GPC6: variants seen among roughly 807,000 people sequenced by gnomAD.
GPC6 encodes the protein glypican 6.
In GPC6, 14 loss-of-function variants were observed where a neutral mutation model predicts 55.2. The ratio of observed to expected loss-of-function variants is 0.25; its 90% CI spans 0.17 to 0.40. The LOEUF is 0.40. Among genes scored for constraint, GPC6 ranks in the 10% least tolerant of loss-of-function variants. GPC6 has a pLI of 1.00. For synonymous variants in GPC6, 278 were observed against 259.6 expected, an observed-to-expected ratio of 1.07 and a Z score of -0.68; for missense variants, 641 against 708.5, an observed-to-expected ratio of 0.90 and a Z score of 1.08.
chr13:94,317,061 G>A (rs963907416), intron 6 of GPC6, among the ~76,000 whole-genome samples: 1 of 152,130 alleles, frequency 6.6e-6, no homozygotes, highest in Non-Finnish European at 1.5e-5. Context: ...CTTTTTACAG[G>A]TTAATCAGGG....
intron 4 of GPC6, among the ~76,000 whole-genome samples, chr13:94,246,329 G>C (rs1297820070): frequency 1.3e-5 from 2 of 151,858 alleles, no homozygotes; most frequent in African/African-American, 2.4e-5. Flanking sequence ...CATTTTGATT[G>C]TTTTCTTTAC....
chr13:94,192,819 A>C (rs746611118), intron 4 of GPC6, among the ~76,000 whole-genome samples: 1 of 152,140 alleles, frequency 6.6e-6, no homozygotes, highest in Non-Finnish European at 1.5e-5. Context: ...TCAGGCAATG[A>C]AGTGGTGGGT....
intron 2 of GPC6, among the ~76,000 whole-genome samples, chr13:93,612,629 A>G (rs78984349): frequency 0.018 from 2,733 of 152,304 alleles, 88 homozygotes; most frequent in African/African-American, 0.063. Flanking sequence ...ATAGAGGGTT[A>G]CAAATATTCA....
At chr13:94,323,632 G>A (rs532144222) in intron 6 of GPC6, among the ~76,000 whole-genome samples, 2 of 152,066 alleles carry the variant, frequency 1.3e-5, no homozygotes, top group Non-Finnish European at 2.9e-5. Flanking sequence ...TATAATGGGT[G>A]CAATACAATG....
chr13:93,655,108 T>TG (rs1332448798), intron 2 of GPC6, among the ~76,000 whole-genome samples: 6 of 147,830 alleles, frequency 4.1e-5, no homozygotes, highest in Non-Finnish European at 8.9e-5. Context: ...CTCGGCCTCC[T>TG]AAAGTGCTGG....
chr13:93,648,210 T>C (rs189638294), intron 2 of GPC6, among the ~76,000 whole-genome samples: 82 of 152,282 alleles, frequency 5.4e-4, no homozygotes, highest in Non-Finnish European at 1.1e-3. Context: ...GGATTGAGCA[T>C]AATTTTTAAC....
chr13:93,306,918 A>AG (rs1331590300), intron 1 of GPC6, among the ~76,000 whole-genome samples: 1 of 152,150 alleles, frequency 6.6e-6, no homozygotes, highest in Non-Finnish European at 1.5e-5. Context: ...CCAATAGGGT[A>AG]GGGAGCATGT....
chr13:94,288,885 AATATATATAACAAAT>A, intron 5 of GPC6, among the ~76,000 whole-genome samples: 1 of 33,390 alleles, frequency 3.0e-5, no homozygotes, highest in African/African-American at 1.3e-4. Context: ...ATATATAACT[AATATATATAACAAAT>A]ATATATATAT....
chr13:93,453,726 C>G (rs1878317716), intron 1 of GPC6, among the ~76,000 whole-genome samples: 1 of 151,730 alleles, frequency 6.6e-6, no homozygotes, highest in Non-Finnish European at 1.5e-5. Flanking sequence ...TTGTTCGTTC[C>G]TCCCGGTGGG....
intron 1 of GPC6, among the ~76,000 whole-genome samples, chr13:93,495,335 A>G (rs1484039922): frequency 6.7e-6 from 1 of 149,134 alleles, no homozygotes; most frequent in African/African-American, 2.5e-5. Flanking sequence ...AGGCTTCTGC[A>G]TTCTTCACGT....
Position 93,918,516 on chromosome 13 carries a change from C to A in GPC6, c.711+87971C>A, listed in dbSNP as rs753877428. Among the ~76,000 whole-genome samples, 4 of 152,162 alleles carry A rather than the reference C, an allele frequency of 2.6e-5. No homozygotes were observed. In the South Asian group the frequency reaches 8.3e-4, roughly 32 times the overall value. On this transcript the variant is annotated intron_variant, in intron 3 of 8. Transcript: ENST00000377047. ...TTCTCCTGGACATTAAAACGTGCCT[C>A]GACTTGTATTCTCCAATGTCCCACA... is the stretch of plus-strand genomic sequence containing the variant.
intron 1 of GPC6, among the ~76,000 whole-genome samples, chr13:93,518,851 G>C (rs1255107016): frequency 6.6e-6 from 1 of 151,956 alleles, no homozygotes; most frequent in African/African-American, 2.4e-5. Flanking sequence ...CAAAGTGTAA[G>C]ACATCAGTAT....
At chr13:93,963,940 C>G (rs1473782984) in intron 3 of GPC6, among the ~76,000 whole-genome samples, 1 of 152,212 alleles carries the variant, frequency 6.6e-6, no homozygotes, top group Middle Eastern at 3.4e-3. Context: ...CAATGTCAGC[C>G]CTGATAACTT....
intron 5 of GPC6, among the ~76,000 whole-genome samples, chr13:94,292,616 A>G (rs558855718): frequency 5.1e-4 from 78 of 151,912 alleles, no homozygotes; most frequent in Admixed American, 1.2e-3. Context: ...TTTCTCTCTT[A>G]TGTATCTCTT....
intron 3 of GPC6, 105 bp from the exon 4 acceptor site, chr13:94,027,624 A>G: frequency 7.2e-6 from 7 of 969,910 alleles, no homozygotes; most frequent in Non-Finnish European, 9.8e-6. Context: ...GTAATTACAA[A>G]GGGTTAAGAT....
At chr13:94,053,355 G>A (rs1420650677) in intron 4 of GPC6, among the ~76,000 whole-genome samples, 4 of 152,162 alleles carry the variant, frequency 2.6e-5, no homozygotes, top group Non-Finnish European at 5.9e-5. Flanking sequence ...GAGTTAGACC[G>A]ACTTTTGAAG....
chr13:93,803,183 T>C (rs1170012427), intron 2 of GPC6, among the ~76,000 whole-genome samples: 4 of 152,122 alleles, frequency 2.6e-5, no homozygotes, highest in African/African-American at 9.6e-5. Flanking sequence ...TGGAAGAAAA[T>C]ATTTTTAAAT....
At chr13:94,002,047 G>C (rs1224096589) in intron 3 of GPC6, among the ~76,000 whole-genome samples, 1 of 151,918 alleles carries the variant, frequency 6.6e-6, no homozygotes, top group Non-Finnish European at 1.5e-5. Context: ...AGAAGATAGG[G>C]GCCCTATCTT....
chr13:93,316,454 CAGG>C (rs1879253195), intron 1 of GPC6, among the ~76,000 whole-genome samples: 1 of 151,918 alleles, frequency 6.6e-6, no homozygotes, highest in African/African-American at 2.4e-5. Context: ...TTAAGTGTTA[CAGG>C]AGAACACATG....
Sources: allele counts gnomAD v4.1 joint callset (sites outside exome capture counted in the v4.1 genomes callset), GRCh38; gene constraint gnomAD v4.1.1; transcripts MANE v1.5; gene names NCBI Gene and HGNC (gene_info 2026-07-23, HGNC 2026-07-21).